Variants in RAB2A observed in about 807,000 individuals in gnomAD.
RAB2A encodes RAB2A, member RAS oncogene family, also known as ras-related protein Rab-2A.
Under a neutral mutation model 32.5 loss-of-function variants are expected in RAB2A, and 7 were observed. That is an observed-to-expected ratio of 0.22 (90% CI 0.12 to 0.40). The LOEUF (loss-of-function observed/expected upper bound fraction) is 0.40, where lower values mean the gene tolerates loss of function less well. RAB2A is among the 10% of genes least tolerant of loss of function. The pLI is 1.00. For missense variants in RAB2A, 108 were observed against 260.7 expected, an observed-to-expected ratio of 0.41 and a Z score of 4.03; for synonymous variants, 79 against 85.2, an observed-to-expected ratio of 0.93 and a Z score of 0.40.
At chr8:60,583,861 G>T (rs1803804929) in intron 3 of RAB2A, among the ~76,000 whole-genome samples, 1 of 152,176 alleles carries the variant, frequency 6.6e-6, no homozygotes, top group African/African-American at 2.4e-5. Context: ...TTTGTCTTCA[G>T]AGCTTAGTTG....
intron 1 of RAB2A, among the ~76,000 whole-genome samples, chr8:60,531,570 G>A (rs1807476524): frequency 6.6e-6 from 1 of 152,072 alleles, no homozygotes; most frequent in African/African-American, 2.4e-5. Context: ...AAATTTAGTG[G>A]GGTTGGTCTT....
At chr8:60,566,010 G>A (rs1174937527) in intron 2 of RAB2A, among the ~76,000 whole-genome samples, 3 of 152,022 alleles carry the variant, frequency 2.0e-5, no homozygotes, top group Non-Finnish European at 4.4e-5. Flanking sequence ...ACCATGCCTG[G>A]CCCTCTGTAG....
At chr8:60,527,227 G>A (rs1488615149) in intron 1 of RAB2A, among the ~76,000 whole-genome samples, 2 of 152,140 alleles carry the variant, frequency 1.3e-5, no homozygotes, top group East Asian at 3.9e-4. Flanking sequence ...AGAACAGCAA[G>A]GGGAGGAATC....
chr8:60,523,190 C>T (rs186856541), intron 1 of RAB2A, among the ~76,000 whole-genome samples: 73 of 150,488 alleles, frequency 4.9e-4, no homozygotes, highest in Admixed American at 4.0e-3. Flanking sequence ...GAGACAGTCT[C>T]GCTGTCACCC....
At chr8:60,544,695 T>C (rs1586072262) in intron 1 of RAB2A, among the ~76,000 whole-genome samples, 1 of 152,040 alleles carries the variant, frequency 6.6e-6, no homozygotes, top group South Asian at 2.1e-4. Flanking sequence ...TGGCCTGTAT[T>C]TTCATTTTGC....
rs185103758 is a variant in RAB2A, at chr8:60,544,266, C to T, written c.47-14586C>T. Among the ~76,000 whole-genome samples, 647 of 151,930 alleles carry T rather than the reference C, an allele frequency of 4.3e-3. 2 individuals carry two copies. Among genetic ancestry groups the T allele is most frequent in the Non-Finnish European group, 5.8e-3 (396 of 67,968 alleles). The stretch of plus-strand genomic sequence containing the variant: ...TATTGGCCAGGCTGGTCTCGAACTC[C>T]GGACCTCAAGTGATCTGCCCACCTC... On this transcript the variant is annotated intron_variant, in intron 1 of 7. Coordinates refer to ENST00000262646, the MANE Select transcript of RAB2A (RefSeq NM_002865.3).
intron 1 of RAB2A, among the ~76,000 whole-genome samples, chr8:60,519,231 G>C (rs1417907970): frequency 6.6e-6 from 1 of 152,228 alleles, no homozygotes; most frequent in African/African-American, 2.4e-5. Flanking sequence ...CCTGAAGCAT[G>C]AATGTCAAAA....
intron 1 of RAB2A, 132 bp downstream of exon 1, chr8:60,517,385 C>G (rs1807222891): frequency 1.1e-6 from 1 of 875,606 alleles, no homozygotes; most frequent in Admixed American, 4.3e-5. Context: ...CGCTCCATTT[C>G]CGCAGTGCTG....
At chr8:60,557,890 A>G (rs1270425783) in intron 1 of RAB2A, among the ~76,000 whole-genome samples, 4 of 152,050 alleles carry the variant, frequency 2.6e-5, no homozygotes, top group South Asian at 2.1e-4. Context: ...ATAGCATTCT[A>G]TTTTCTTTCA....
intron 3 of RAB2A, among the ~76,000 whole-genome samples, chr8:60,579,277 A>C (rs1284275326): frequency 6.6e-6 from 1 of 152,200 alleles, no homozygotes; most frequent in African/African-American, 2.4e-5. Context: ...TCCTGACCTC[A>C]GGTGATCCAT....
In RAB2A at chr8:60,572,138, AT is replaced by A. The variant is rs1808206210; in HGVS notation, c.186+26del. Reference sequence around the variant, plus strand: ...GGTAAGTATAGGAAAAGTGCACTGTATGATCTCAGTAAAGTTACTTTATGAA... The same window carrying A: ...GGTAAGTATAGGAAAAGTGCACTGTAGATCTCAGTAAAGTTACTTTATGAA... On this transcript the variant is annotated intron_variant, in intron 3 of 7. Transcript: ENST00000262646. 2.7e-6 allele frequency: 4 copies of A among 1,506,268 alleles called. No homozygotes were observed. In the African/African-American group the frequency reaches 4.1e-5, roughly 16 times the overall value. 93.3% of individuals were successfully genotyped at this position (1,506,268 alleles called of 1,614,324 possible). A position where few individuals can be genotyped will look rare whatever the true frequency, so the allele number is the denominator to read the frequency against.
intron 5 of RAB2A, among the ~76,000 whole-genome samples, chr8:60,586,932 A>AG (rs1803860887): frequency 6.9e-6 from 1 of 145,318 alleles, no homozygotes; most frequent in African/African-American, 2.7e-5. Context: ...TCTGTCTCCA[A>AG]GAAAAAAAAA....
intron 1 of RAB2A, among the ~76,000 whole-genome samples, chr8:60,540,411 G>T (rs1246418190): frequency 1.3e-5 from 2 of 152,070 alleles, no homozygotes; most frequent in African/African-American, 4.8e-5. Context: ...TGTTAAAAAT[G>T]AAGATCATTT....
intron 2 of RAB2A, among the ~76,000 whole-genome samples, chr8:60,566,499 G>A (rs1020188881): frequency 6.6e-6 from 1 of 151,644 alleles, no homozygotes; most frequent in Non-Finnish European, 1.5e-5. Context: ...AATCTACTGT[G>A]GCTTCCTAGC....
intron 6 of RAB2A, among the ~76,000 whole-genome samples, chr8:60,594,690 T>C (rs1302642734): frequency 6.6e-6 from 1 of 152,128 alleles, no homozygotes; most frequent in African/African-American, 2.4e-5. Flanking sequence ...TGTCCAAGTG[T>C]TCTCATTGTT....
chr8:60,592,607 C>T (rs573929603), intron 6 of RAB2A, among the ~76,000 whole-genome samples: 4 of 152,054 alleles, frequency 2.6e-5, no homozygotes, highest in African/African-American at 4.8e-5. Context: ...TTTTACAAAG[C>T]ATGAGAATTC....
chr8:60,605,852 T>TATATATATATATATAA (rs777621349), intron 6 of RAB2A, among the ~76,000 whole-genome samples: 2,833 of 144,282 alleles, frequency 0.02, 70 homozygotes, highest in South Asian at 0.025. Flanking sequence ...TATATATATA[T>TATATATATATATATAA]AATGCTTCAT....
intron 1 of RAB2A, among the ~76,000 whole-genome samples, chr8:60,547,425 C>T (rs868247393): frequency 6.6e-5 from 10 of 152,188 alleles, no homozygotes; most frequent in African/African-American, 1.9e-4. Flanking sequence ...ACCTCCCAGA[C>T]GGGGTGGTGG....
chr8:60,522,918 T>C (rs73257487), intron 1 of RAB2A, among the ~76,000 whole-genome samples: 12,443 of 151,940 alleles, frequency 0.082, 1,547 homozygotes, highest in African/African-American at 0.27. Flanking sequence ...AGATTTGAGG[T>C]GGAGCTGAAT....
Sources: gnomAD v4.1 joint callset for allele counts (sites outside exome capture counted in the v4.1 genomes callset) on GRCh38, gnomAD v4.1.1 for gene constraint, MANE v1.5 for transcripts, NCBI Gene and HGNC (gene_info 2026-07-23, HGNC 2026-07-21) for gene names.